The following ZNF483 variants were observed in gnomAD, a reference collection of about 807,000 sequenced individuals.
The protein encoded by ZNF483 is zinc finger protein HIT-10.
A neutral mutation model predicts 28.6 loss-of-function variants in ZNF483; 9 were observed. The observed-to-expected ratio is 0.32, with a 90% confidence interval of 0.19 to 0.55. The LOEUF is 0.55. ZNF483 is among the 20% of genes least tolerant of loss of function. The pLI is 0.93. For missense variants in ZNF483, 675 were observed against 871.7 expected (o/e 0.77, Z 2.84); for synonymous variants, 322 against 306.2 (o/e 1.05, Z -0.54).
rs374627845 is a variant in ZNF483, at chr9:111,543,183, A to G, written c.*13A>G. The G allele has an allele frequency of 9.9e-5, 156 of 1,571,946 alleles. No individual in the cohort carries two copies. Among genetic ancestry groups the G allele is most frequent in the Non-Finnish European group, 1.3e-4 (148 of 1,160,202 alleles). Reference sequence around the variant, plus strand: ...CTCTGCAGAGTAATCCTGGAACTACATTAAAGTGGGGGGAATTTAATTCAA... The same window carrying G: ...CTCTGCAGAGTAATCCTGGAACTACGTTAAAGTGGGGGGAATTTAATTCAA... On this transcript the variant is annotated 3_prime_UTR_variant, in exon 6 of 6. Transcript: ENST00000309235.
rs745775061 is a variant in ZNF483, at chr9:111,527,813, A to C, written c.412+6A>C. On this transcript the variant is annotated splice_donor_region_variant and intron_variant, in intron 2 of 5. Coordinates refer to ENST00000309235, the MANE Select transcript of ZNF483 (RefSeq NM_133464.5). ...CCAGATGCTTGAAGAAAAAGGTGAG[A>C]TTTATAGATGGAGGGAGGAAGCGGG... 2 of 1,614,100 alleles carry C rather than the reference A, an allele frequency of 1.2e-6. No homozygotes were observed. Among genetic ancestry groups the C allele is most frequent in the Non-Finnish European group, 1.7e-6 (2 of 1,180,032 alleles).
intron 5 of ZNF483, 128 bp from the exon 6 acceptor site, chr9:111,541,529 C>G: frequency 1.5e-6 from 1 of 671,316 alleles, no homozygotes; most frequent in Non-Finnish European, 2.3e-6. Flanking sequence ...TTCTATTTTA[C>G]AAAGCTCTTT....
chr9:111,576,967 T>TC (rs1829084810), exon 6 of ZNF483: 1 of 152,220 alleles, frequency 6.6e-6, no homozygotes, highest in Non-Finnish European at 1.5e-5. Context: ...GGTGCATGCC[T>TC]GTAATCCCAG....
rs1228084260 is a variant in ZNF483, at chr9:111,561,104, TATATATAG to T, written c.722-15259_722-15252del. Reference sequence around the variant, plus strand: ...TCTAAAATATATATATATATATATATATATATAGAGAGAGAGAGAGAGAGAGAGAGAGA... The same window carrying T: ...TCTAAAATATATATATATATATATATAGAGAGAGAGAGAGAGAGAGAGAGA... On this transcript the variant is annotated intron_variant, in intron 5 of 5. Coordinates refer to the ZNF483 transcript ENST00000358151. Among the ~76,000 whole-genome samples, 4 of 26,384 alleles carry T rather than the reference TATATATAG, an allele frequency of 1.5e-4. 1 individual carries two copies. Among genetic ancestry groups the T allele is most frequent in the African/African-American group, 1.3e-3 (4 of 3,148 alleles). The allele number at this position is 26,384 out of a possible 152,430, so 17.3% of individuals were successfully genotyped here.
At chr9:111,563,059 A>G in intron 5 of ZNF483, 1 of 1,583,768 alleles carries the variant, frequency 6.3e-7, no homozygotes, top group Non-Finnish European at 8.6e-7. Flanking sequence ...ATTTTTGCTA[A>G]ATGGTGAAAA....
rs773727795 is a variant in ZNF483 at position 111,543,010 on chromosome 9, A to T, written c.2075A>T (p.Glu692Val). The change falls in exon 6 of 6, where the codon GAG becomes GTG. Residue 692 changes from glutamate (E) to valine (V), a missense_variant. Glu to Val is a moderately radical substitution (Grantham distance 121, BLOSUM62 -2). Around this residue, in one of 6 missense-constraint regions of ZNF483, gnomAD observed 55 missense variants for 72.4 expected, o/e 0.76. Coordinates refer to ENST00000309235, the MANE Select transcript of ZNF483 (RefSeq NM_133464.5). ...ATTCATACAGGAGAGAAACCCTATG[A>T]GTGTAACTATTGTGGTGCAACCTTT... is the stretch of plus-strand genomic sequence containing the variant. ...HRIHTGEKPY[E>V]CNYCGATFSR... is the part of the protein sequence containing the mutation. 1 of 1,614,174 alleles carries T rather than the reference A, an allele frequency of 6.2e-7. No homozygotes were observed. The highest frequency in any genetic ancestry group is 8.5e-7 in the Non-Finnish European group (1 of 1,180,022).
At chr9:111,570,774 G>A (rs1461091918) in intron 5 of ZNF483, among the ~76,000 whole-genome samples, 1 of 151,942 alleles carries the variant, frequency 6.6e-6, no homozygotes, top group Non-Finnish European at 1.5e-5. Context: ...ATGAGACTCT[G>A]CCTCAAAAAA....
At chr9:111,527,836 G>A in intron 2 of ZNF483, 29 bp downstream of exon 2, 1 of 1,614,022 alleles carries the variant, frequency 6.2e-7, no homozygotes, top group Non-Finnish European at 8.5e-7. Flanking sequence ...GGGAGGAAGC[G>A]GGAGACATTG....
intron 3 of ZNF483, among the ~76,000 whole-genome samples, chr9:111,532,413 G>A (rs1207114912): frequency 6.6e-6 from 1 of 152,160 alleles, no homozygotes; most frequent in Non-Finnish European, 1.5e-5. Flanking sequence ...TTGCTAGAGA[G>A]GCAGGAGGAG....
chr9:111,539,493 G>C (rs1282087035), intron 5 of ZNF483: 2 of 454,532 alleles, frequency 4.4e-6, no homozygotes, highest in African/African-American at 4.0e-5. Context: ...GCTGGGTGTG[G>C]TGGCTCATGC....
chr9:111,534,262 C>T lies in ZNF483; in HGVS notation c.630C>T (p.Asp210=), dbSNP rs914722487. 3 of 1,613,668 alleles carry T rather than the reference C, an allele frequency of 1.9e-6. No homozygotes were observed. Among genetic ancestry groups the T allele is most frequent in the African/African-American group, 2.7e-5 (2 of 74,912 alleles). The change falls in exon 5 of 6, where the codon GAC becomes GAT. Residue 210 remains aspartate (D), a splice_region_variant and synonymous_variant. Transcript: ENST00000309235. The stretch of plus-strand genomic sequence containing the variant: ...TTCTGTTCTTTTCTCTATGAGCAGA[C>T]TTTCCAGTTTCAAAATTAGAGTTGA... The part of the protein sequence containing the change: ...LENLRNLEFL[D]FPVSKLELIS...
chr9:111,530,817 G>C, intron 2 of ZNF483, 58 bp from the exon 3 acceptor site: 1 of 198,654 alleles, frequency 5.0e-6, no homozygotes, highest in Non-Finnish European at 1.0e-5. Flanking sequence ...ATATATATAA[G>C]ATTTTTAGTC....
At chr9:111,564,047 G>A (rs1048508004) in intron 5 of ZNF483, 2 of 173,126 alleles carry the variant, frequency 1.2e-5, no homozygotes, top group African/African-American at 4.8e-5. Context: ...GTTCATGTTA[G>A]TGAGAAAGGG....
rs578237246 is a variant in ZNF483 at position 111,568,290 on chromosome 9, G to T, written c.722-8075G>T. Among the ~76,000 whole-genome samples the T allele has an allele frequency of 2.5e-3, 388 of 152,202 alleles. 3 individuals are homozygous for T. Among genetic ancestry groups the T allele is most frequent in the South Asian group, 4.2e-3 (20 of 4,816 alleles). On this transcript the variant is annotated intron_variant, in intron 5 of 5. Coordinates refer to the ZNF483 transcript ENST00000358151. ...GGGAAGGAATGCATTCCTGGGGGAG[G>T]TCTATAAATGGCTGCTCTGGGAGTG... is the stretch of plus-strand genomic sequence containing the variant.
In ZNF483 at chr9:111,564,283, ATTATT is replaced by A. The variant is rs1025781977; in HGVS notation, c.722-12081_722-12077del. 5 of 384,434 alleles carry A rather than the reference ATTATT, an allele frequency of 1.3e-5. No homozygotes were observed. The Admixed American group carries it at 3.1e-4, about 24-fold the overall frequency. The allele number at this position is 384,434 out of a possible 1,614,324, so 23.8% of individuals were successfully genotyped here. On this transcript the variant is annotated intron_variant, in intron 5 of 5. Coordinates refer to the ZNF483 transcript ENST00000358151. Reference sequence around the variant, plus strand: ...GGAAGCTGAAATTTAAACTTTTATTATTATTATTATTATTATTATTATTATTATTA... The same window carrying A: ...GGAAGCTGAAATTTAAACTTTTATTAATTATTATTATTATTATTATTATTA...
intron 5 of ZNF483, among the ~76,000 whole-genome samples, chr9:111,541,349 A>C (rs1249142736): frequency 6.6e-6 from 1 of 152,140 alleles, no homozygotes; most frequent in African/African-American, 2.4e-5. Context: ...TTGGCCTCCC[A>C]AAGTGCTGAG....
chr9:111,527,102 C>CA (rs996647246), intron 1 of ZNF483, among the ~76,000 whole-genome samples, 166 bp from the exon 2 acceptor site: 4,708 of 142,346 alleles, frequency 0.033, 218 homozygotes, highest in African/African-American at 0.11. Flanking sequence ...AACTCCGTCT[C>CA]AAAAAAAAAA....
In ZNF483 at chr9:111,545,746, ATAAT is replaced by A. The variant is rs1438374077; in HGVS notation, c.*2577_*2580del. Among the ~76,000 whole-genome samples, 3 of 152,180 alleles carry A rather than the reference ATAAT, an allele frequency of 2.0e-5. No individual in the cohort carries two copies. Among genetic ancestry groups the A allele is most frequent in the African/African-American group, 7.2e-5 (3 of 41,440 alleles). On this transcript the variant is annotated 3_prime_UTR_variant, in exon 6 of 6. Transcript: ENST00000309235. ...AGTACTTTATTCCTTTTTATCATAAATAATATTACATTATGTGGATGCTTCGTGC... is the reference window on the plus strand; with the variant it reads ...AGTACTTTATTCCTTTTTATCATAAAATTACATTATGTGGATGCTTCGTGC...
rs1340526760 is a variant in ZNF483, at chr9:111,549,772, T to G, written c.*6602T>G. The G allele has an allele frequency of 6.5e-7, 1 of 1,548,628 alleles. No individual in the cohort carries two copies. The highest frequency in any genetic ancestry group is 1.2e-5 in the South Asian group (1 of 83,974). On this transcript the variant is annotated 3_prime_UTR_variant, in exon 6 of 6. Transcript: ENST00000309235. ...TCCCTTCATTTTTCTGCTTTGAAGC[T>G]TCAATCTTCTTCATTTTCTCTTTTG...
Sources: gnomAD v4.1 joint callset for allele counts (sites outside exome capture counted in the v4.1 genomes callset) on GRCh38, gnomAD v4.1.1 for gene constraint, gnomAD v4.1.1 regional missense constraint, MANE v1.5 for transcripts, NCBI Gene and HGNC (gene_info 2026-07-23, HGNC 2026-07-21) for gene names.